The following FAR2 variants were observed in gnomAD, a reference collection of about 807,000 sequenced individuals.
FAR2 encodes the protein fatty acyl-CoA reductase 2.
Under a neutral mutation model 56.0 loss-of-function variants are expected in FAR2, and 19 were observed. That is an observed-to-expected ratio of 0.34 (90% CI 0.24 to 0.50). The LOEUF (loss-of-function observed/expected upper bound fraction) is 0.50, where lower values mean the gene tolerates loss of function less well. FAR2 is among the 20% of genes least tolerant of loss of function. FAR2 has a pLI of 0.98. For synonymous variants in FAR2, 219 were observed against 218.8 expected (o/e 1.00, Z -0.01); for missense variants, 508 against 642.2 (o/e 0.79, Z 2.26).
intron 1 of FAR2, among the ~76,000 whole-genome samples, chr12:29,252,783 G>C (rs944364063): frequency 2.6e-5 from 4 of 152,154 alleles, no homozygotes; most frequent in African/African-American, 9.7e-5. Flanking sequence ...AGAGGCAAAT[G>C]GTTGCCAAGT....
Position 29,334,729 on chromosome 12 carries a change from T to C in FAR2, c.*935T>C, listed in dbSNP as rs879309281. The C allele has an allele frequency of 6.6e-6, 1 of 152,176 alleles. No homozygotes were observed. Among genetic ancestry groups the C allele is most frequent in the African/African-American group, 2.4e-5 (1 of 41,448 alleles). 9.4% of individuals were successfully genotyped at this position (152,176 alleles called of 1,614,324 possible). A position where few individuals can be genotyped will look rare whatever the true frequency, so the allele number is the denominator to read the frequency against. The stretch of plus-strand genomic sequence containing the variant: ...ATGAACTTTTAAACTGTAGCTTTAG[T>C]CTTCTGGTATAAAGTGGGGAAGATT... On this transcript the variant is annotated 3_prime_UTR_variant, in exon 12 of 12. Transcript: ENST00000536681.
intron 1 of FAR2, among the ~76,000 whole-genome samples, chr12:29,263,553 T>C (rs535927024): frequency 6.6e-6 from 1 of 152,038 alleles, no homozygotes; most frequent in Non-Finnish European, 1.5e-5. Context: ...GAATGACCAG[T>C]GGGTCAATGA....
At chr12:29,179,488 C>T (rs1341553224) in intron 1 of FAR2, among the ~76,000 whole-genome samples, 1 of 152,146 alleles carries the variant, frequency 6.6e-6, no homozygotes, top group Non-Finnish European at 1.5e-5. Flanking sequence ...CAGGCATGAG[C>T]CCCATTCAAC....
intron 1 of FAR2, among the ~76,000 whole-genome samples, chr12:29,252,329 G>A (rs1458634595): frequency 6.6e-6 from 1 of 152,124 alleles, no homozygotes; most frequent in Admixed American, 6.5e-5. Context: ...GAAGGTTTGG[G>A]TCATCCCACG....
chr12:29,230,803 C>T (rs1162031012), intron 1 of FAR2, among the ~76,000 whole-genome samples: 1 of 152,154 alleles, frequency 6.6e-6, no homozygotes, highest in Non-Finnish European at 1.5e-5. Context: ...TAGAGCCTTA[C>T]TCACTGAGAT....
chr12:29,311,252 G>A (rs373983376), intron 7 of FAR2, 106 bp downstream of exon 7: 1 of 721,838 alleles, frequency 1.4e-6, no homozygotes, highest in Non-Finnish European at 2.4e-6. Context: ...CCCCAAATGT[G>A]TGAAAGTGCG....
At chr12:29,328,074 C>A (rs1369019828) in intron 10 of FAR2, among the ~76,000 whole-genome samples, 4 of 152,020 alleles carry the variant, frequency 2.6e-5, no homozygotes, top group Admixed American at 1.3e-4. Context: ...AACAAACAAC[C>A]CCATCAAAAA....
At chr12:29,311,834 T>G in intron 7 of FAR2, 49 bp from the exon 8 acceptor site, 1 of 1,316,146 alleles carries the variant, frequency 7.6e-7, no homozygotes, top group Non-Finnish European at 1.1e-6. Context: ...TTTTCTCTCA[T>G]TAGTTTTCTA....
At chr12:29,319,179 T>TG (rs1949512695) in intron 9 of FAR2, among the ~76,000 whole-genome samples, 1 of 151,832 alleles carries the variant, frequency 6.6e-6, no homozygotes, top group Non-Finnish European at 1.5e-5. Flanking sequence ...TTAGCAGAGA[T>TG]GGGGTTTCAC....
chr12:29,202,512 C>T (rs1947428921), intron 1 of FAR2, among the ~76,000 whole-genome samples: 1 of 152,140 alleles, frequency 6.6e-6, no homozygotes, highest in Non-Finnish European at 1.5e-5. Flanking sequence ...CAGGCACTAG[C>T]AGTAAGATCT....
intron 1 of FAR2, among the ~76,000 whole-genome samples, chr12:29,184,486 G>A (rs1453445700): frequency 1.5e-5 from 2 of 133,066 alleles, no homozygotes; most frequent in East Asian, 4.8e-4. Context: ...CCAGGCTGGA[G>A]TGCAGTGGCG....
At chr12:29,221,829 G>T (rs1947696009) in intron 1 of FAR2, among the ~76,000 whole-genome samples, 1 of 152,070 alleles carries the variant, frequency 6.6e-6, no homozygotes, top group Non-Finnish European at 1.5e-5. Flanking sequence ...GCTGCTCAGA[G>T]AATTGCTTCA....
At position 29,270,601 on chromosome 12, in the gene FAR2, C is replaced by A; in HGVS notation, c.152C>A (p.Thr51Lys). The A allele has an allele frequency of 6.2e-7, 1 of 1,613,846 alleles. No homozygotes were observed. The highest frequency in any genetic ancestry group is 1.1e-5 in the South Asian group (1 of 91,030). ...YILVRPKAGQ[T>K]LQQRVFQILD... The stretch of plus-strand genomic sequence containing the variant: ...CTTGTGAGGCCCAAGGCTGGCCAGA[C>A]ACTGCAGCAGAGGGTTTTCCAGATC... Residue 51 changes from threonine to lysine, a missense_variant, in exon 2 of 12, where the codon ACA (threonine) becomes AAA (lysine). Physicochemically the swap from Thr to Lys is moderately conservative, Grantham distance 78 (BLOSUM62 -1). Coordinates refer to ENST00000536681, the MANE Select transcript of FAR2 (RefSeq NM_001271783.2).
At chr12:29,200,487 G>T (rs1947393713) in intron 1 of FAR2, among the ~76,000 whole-genome samples, 1 of 152,160 alleles carries the variant, frequency 6.6e-6, no homozygotes, top group African/African-American at 2.4e-5. Context: ...CTAAATTTGG[G>T]ATGCTCTCTC....
chr12:29,318,118 T>C (rs1334364846), intron 9 of FAR2, among the ~76,000 whole-genome samples: 1 of 152,224 alleles, frequency 6.6e-6, no homozygotes, highest in East Asian at 1.9e-4. Flanking sequence ...TGAACAGTAT[T>C]GCCTTCTGTG....
chr12:29,201,029 C>G (rs1947402364), intron 1 of FAR2, among the ~76,000 whole-genome samples: 1 of 152,110 alleles, frequency 6.6e-6, no homozygotes, highest in South Asian at 2.1e-4. Flanking sequence ...GGACAGACTC[C>G]CTGCAGCTGG....
At chr12:29,208,085 T>C (rs1353471474) in intron 1 of FAR2, among the ~76,000 whole-genome samples, 2 of 152,222 alleles carry the variant, frequency 1.3e-5, no homozygotes, top group African/African-American at 4.8e-5. Flanking sequence ...TCAAGTCAGT[T>C]TGTGTATTAG....
At chr12:29,187,693 C>G (rs1950056810) in intron 1 of FAR2, among the ~76,000 whole-genome samples, 2 of 152,088 alleles carry the variant, frequency 1.3e-5, no homozygotes, top group African/African-American at 4.8e-5. Context: ...TTTCCTCCAC[C>G]AAAATAGAGA....
At position 29,236,982 on chromosome 12, in the gene FAR2, A is replaced by G. The variant is rs575453960; in HGVS notation, c.-38-33430A>G. Reference sequence around the variant, plus strand: ...TTCTTGATCATCACTAGCCCAACCTAAAATATAAAGAAACTTTTTCCTGCC... The same window carrying G: ...TTCTTGATCATCACTAGCCCAACCTGAAATATAAAGAAACTTTTTCCTGCC... On this transcript the variant is annotated intron_variant, in intron 1 of 11. Coordinates refer to ENST00000536681, the MANE Select transcript of FAR2 (RefSeq NM_001271783.2). 2.0e-5 allele frequency among the ~76,000 whole-genome samples: 3 copies of G among 152,298 alleles called. No individual in the cohort carries two copies. In the South Asian group the frequency reaches 6.2e-4, roughly 32 times the overall value.
Sources: gnomAD v4.1 joint callset for allele counts (sites outside exome capture counted in the v4.1 genomes callset) on GRCh38, gnomAD v4.1.1 for gene constraint, MANE v1.5 for transcripts, NCBI Gene and HGNC (gene_info 2026-07-23, HGNC 2026-07-21) for gene names.